The following PACRG variants were observed in gnomAD, a reference collection of about 807,000 sequenced individuals.
The protein encoded by PACRG is parkin coregulated gene protein.
In PACRG, 29 loss-of-function variants were observed where a neutral mutation model predicts 29.7. That is an observed-to-expected ratio of 0.98 (90% CI 0.73 to 1.33). The LOEUF (loss-of-function observed/expected upper bound fraction) is 1.33. PACRG is among the 40% of genes most tolerant of loss of function. The pLI is 0.00. For missense variants in PACRG, 279 were observed against 316.2 expected (o/e 0.88, Z 0.89); for synonymous variants, 116 against 118.7 (o/e 0.98, Z 0.15).
intron 2 of PACRG, among the ~76,000 whole-genome samples, chr6:163,042,019 C>T (rs1160540890): frequency 2.0e-5 from 3 of 152,212 alleles, no homozygotes; most frequent in Non-Finnish European, 4.4e-5. Flanking sequence ...GCATGCACCA[C>T]CACGCCTGGC....
rs554507388 is a variant in PACRG, at chr6:162,977,018, C to T, written c.292-85132C>T. Among the ~76,000 whole-genome samples, 142 of 151,868 alleles carry T rather than the reference C, an allele frequency of 9.4e-4. No homozygotes were observed. The Middle Eastern group carries it at 0.014, about 15-fold the overall frequency. ...TGTACAAGTCCTAAGAAAAATATAG[C>T]GAGAAACTTGCAGGACTTGAGTAAA... On this transcript the variant is annotated intron_variant, in intron 2 of 4. Transcript: ENST00000366888.
At chr6:163,197,682 C>T (rs1402413295) in intron 4 of PACRG, among the ~76,000 whole-genome samples, 1 of 151,948 alleles carries the variant, frequency 6.6e-6, no homozygotes, top group South Asian at 2.1e-4. Flanking sequence ...ATCTTCTGAC[C>T]TCATGATCCG....
At chr6:163,224,527 A>G (rs190876102) in intron 4 of PACRG, among the ~76,000 whole-genome samples, 16 of 152,258 alleles carry the variant, frequency 1.1e-4, no homozygotes, top group Admixed American at 1.0e-3. Flanking sequence ...CCAAAAATAA[A>G]TCCACACATT....
chr6:163,237,259 T>C (rs1782283428), intron 4 of PACRG, among the ~76,000 whole-genome samples: 1 of 152,218 alleles, frequency 6.6e-6, no homozygotes, highest in African/African-American at 2.4e-5. Context: ...GGGTTTACCC[T>C]CCATTTCTTT....
intron 1 of PACRG, among the ~76,000 whole-genome samples, chr6:162,747,365 C>T (rs28481479): frequency 0.13 from 5,697 of 44,396 alleles, 988 homozygotes; most frequent in African/African-American, 0.44. Flanking sequence ...TATATATATA[C>T]ACATACATAT....
Position 162,955,961 on chromosome 6 carries a change from C to A in PACRG, c.292-106189C>A, listed in dbSNP as rs532654182. Among the ~76,000 whole-genome samples the A allele has an allele frequency of 3.9e-5, 6 of 152,190 alleles. No individual in the cohort carries two copies. In the South Asian group the frequency reaches 8.3e-4, roughly 21 times the overall value. On this transcript the variant is annotated intron_variant, in intron 2 of 4. Transcript: ENST00000366888. ...CCATTGGCAGGTGGGAGCAGCCTGGCGACATGGTGGTGGTGGGAGAGGAGC... is the reference window on the plus strand; with the variant it reads ...CCATTGGCAGGTGGGAGCAGCCTGGAGACATGGTGGTGGTGGGAGAGGAGC...
intron 1 of PACRG, among the ~76,000 whole-genome samples, chr6:162,770,977 A>T (rs1361268347): frequency 6.6e-6 from 1 of 152,122 alleles, no homozygotes; most frequent in Non-Finnish European, 1.5e-5. Flanking sequence ...CTAGGGGACA[A>T]TCCCTACCAT....
At chr6:163,078,995 G>A (rs1185581607) in intron 3 of PACRG, among the ~76,000 whole-genome samples, 1 of 151,866 alleles carries the variant, frequency 6.6e-6, no homozygotes, top group Non-Finnish European at 1.5e-5. Flanking sequence ...TGAGGGGCCT[G>A]AGCATGCTGA....
intron 3 of PACRG, among the ~76,000 whole-genome samples, chr6:163,071,523 C>T (rs1382340029): frequency 1.3e-5 from 2 of 151,760 alleles, no homozygotes; most frequent in African/African-American, 4.8e-5. Context: ...GCAGCAGAAA[C>T]ATGAGATACA....
At chr6:163,074,014 G>A (rs1812313723) in intron 3 of PACRG, among the ~76,000 whole-genome samples, 1 of 152,156 alleles carries the variant, frequency 6.6e-6, no homozygotes, top group Non-Finnish European at 1.5e-5. Context: ...ACAATTTGGA[G>A]GTTCCTCAAA....
intron 2 of PACRG, among the ~76,000 whole-genome samples, chr6:162,852,126 C>T (rs1388507534): frequency 6.6e-6 from 1 of 152,192 alleles, no homozygotes; most frequent in Admixed American, 6.5e-5. Flanking sequence ...AACCAGCAGG[C>T]TTGTCCACAA....
Position 163,004,735 on chromosome 6 carries a change from T to TACAC in PACRG, c.292-57414_292-57413insCACA, listed in dbSNP as rs752824819. Among the ~76,000 whole-genome samples, 682 of 138,036 alleles carry TACAC rather than the reference T, an allele frequency of 4.9e-3. 8 individuals are homozygous for TACAC. Among genetic ancestry groups the TACAC allele is most frequent in the African/African-American group, 0.021 (658 of 31,646 alleles). The allele number at this position is 138,036 out of a possible 152,430, so 90.6% of individuals were successfully genotyped here. Reference sequence around the variant, plus strand: ...GTGTGTGTGTGTGTGTGTATATATATATACACACACACACACACACATATC... The same window carrying TACAC: ...GTGTGTGTGTGTGTGTGTATATATATACACATACACACACACACACACACATATC... On this transcript the variant is annotated intron_variant, in intron 2 of 4. Coordinates refer to ENST00000366888, the MANE Select transcript of PACRG (RefSeq NM_001080379.2).
At chr6:163,263,459 G>A (rs1475600208) in intron 4 of PACRG, among the ~76,000 whole-genome samples, 2 of 152,196 alleles carry the variant, frequency 1.3e-5, no homozygotes, top group Non-Finnish European at 2.9e-5. Flanking sequence ...AGACCCTGCT[G>A]TGGAGAAAGC....
At chr6:163,251,113 A>T (rs1459407943) in intron 4 of PACRG, among the ~76,000 whole-genome samples, 1 of 151,936 alleles carries the variant, frequency 6.6e-6, no homozygotes, top group Admixed American at 6.6e-5. Flanking sequence ...CTTAGGGGGA[A>T]GAGTGGGAGG....
intron 2 of PACRG, among the ~76,000 whole-genome samples, chr6:162,993,258 C>T (rs1396422101): frequency 8.0e-5 from 12 of 150,096 alleles, no homozygotes; most frequent in Admixed American, 8.0e-4. Flanking sequence ...CTATTAGGTC[C>T]ACTTGGTACA....
chr6:163,091,706 A>T (rs73027131), intron 4 of PACRG, among the ~76,000 whole-genome samples: 103 of 152,244 alleles, frequency 6.8e-4, no homozygotes, highest in Admixed American at 3.0e-3. Flanking sequence ...TAAAGTAGCT[A>T]TGTTACCCTA....
At chr6:162,988,955 T>C (rs1267897382) in intron 2 of PACRG, among the ~76,000 whole-genome samples, 2 of 152,176 alleles carry the variant, frequency 1.3e-5, no homozygotes, top group African/African-American at 2.4e-5. Context: ...TGGTTTTCTT[T>C]CTACATTACA....
At chr6:163,133,269 C>A (rs1816805327) in intron 4 of PACRG, among the ~76,000 whole-genome samples, 2 of 152,148 alleles carry the variant, frequency 1.3e-5, no homozygotes, top group Admixed American at 1.3e-4. Context: ...AGTCACATGA[C>A]CACACCTCAC....
chr6:162,733,588 G>A (rs2128250676), intron 1 of PACRG, among the ~76,000 whole-genome samples: 1 of 152,214 alleles, frequency 6.6e-6, no homozygotes, highest in East Asian at 1.9e-4. Context: ...CCCCTCAGGT[G>A]GCTCCCTGCC....
Sources: allele counts gnomAD v4.1 joint callset (sites outside exome capture counted in the v4.1 genomes callset), GRCh38; gene constraint gnomAD v4.1.1; transcripts MANE v1.5; gene names NCBI Gene and HGNC (gene_info 2026-07-23, HGNC 2026-07-21).